Variants in NID1 observed in about 807,000 individuals in gnomAD.
NID1 encodes nidogen 1, also known as nidogen-1.
Under a neutral mutation model 130.6 loss-of-function variants are expected in NID1, and 76 were observed. The ratio of observed to expected loss-of-function variants is 0.58; its 90% CI spans 0.48 to 0.70. NID1 has a LOEUF of 0.70. NID1 is among the 30% of genes least tolerant of loss of function. The probability of loss-of-function intolerance (pLI) is 0.00; values close to 1 mark genes in which losing one functional copy is unlikely to be tolerated. For synonymous variants in NID1, 665 were observed against 675.1 expected (o/e 0.98, Z 0.23); for missense variants, 1,517 against 1,664.8 (o/e 0.91, Z 1.54).
intron 15 of NID1, among the ~76,000 whole-genome samples, chr1:235,983,920 C>T (rs1403134936): frequency 1.3e-5 from 2 of 151,936 alleles, no homozygotes; most frequent in Non-Finnish European, 2.9e-5. Context: ...CTGTCACTCT[C>T]ACTCACTAGG....
At chr1:236,017,031 C>G in intron 10 of NID1, 117 bp downstream of exon 10, 1 of 1,338,050 alleles carries the variant, frequency 7.5e-7, no homozygotes, top group Non-Finnish European at 1.1e-6. Context: ...TTATAAATTG[C>G]TCTTCCCAGC....
chr1:236,038,138 G>C lies in NID1; in HGVS notation c.1251C>G (p.Gly417=). The change falls in exon 5 of 20, where the codon GGC becomes GGG. Residue 417 remains glycine (G), a synonymous_variant. Transcript: ENST00000264187. ...CACATTGCCTGCCATTGCCCGTATAGCCAGCGACACAGCTGCAGCAGAAGC... is the reference window on the plus strand; with the variant it reads ...CACATTGCCTGCCATTGCCCGTATACCCAGCGACACAGCTGCAGCAGAAGC... ...ATGFCCSCVA[G]YTGNGRQCVA... 6.2e-7 allele frequency: 1 copy of C among 1,608,800 alleles called. No homozygotes were observed. The highest frequency in any genetic ancestry group is 8.5e-7 in the Non-Finnish European group (1 of 1,175,624).
intron 19 of NID1, 26 bp from the exon 20 acceptor site, chr1:235,978,014 T>C (rs1572572687): frequency 1.2e-6 from 2 of 1,612,284 alleles, no homozygotes; most frequent in East Asian, 2.2e-5. Context: ...ATCAGTTCAA[T>C]AGCCCTCTCT....
At chr1:235,989,317 C>T (rs1180223562) in intron 14 of NID1, among the ~76,000 whole-genome samples, 3 of 151,536 alleles carry the variant, frequency 2.0e-5, no homozygotes, top group African/African-American at 7.3e-5. Context: ...TAGCCTCTCC[C>T]CTTGGTCTTG....
Position 236,048,923 on chromosome 1 carries a change from G to A in NID1, c.292C>T (p.Pro98Ser). The change falls in exon 2 of 20, where the codon CCA (proline) becomes TCA (serine). Residue 98 changes from proline (P) to serine (S), a missense_variant. Physicochemically the swap from Pro to Ser is moderately conservative, Grantham distance 74 (BLOSUM62 -1). Transcript: ENST00000264187. ...GGGGCGACTGCACCGAATGTTGGTGGGAAGAGCCCGGGATGGGATTCTTTG... is the reference window on the plus strand; with the variant it reads ...GGGGCGACTGCACCGAATGTTGGTGAGAAGAGCCCGGGATGGGATTCTTTG... ...PAKESHPGLF[P>S]PTFGAVAPFL... 1 of 1,614,116 alleles carries A rather than the reference G, an allele frequency of 6.2e-7. No homozygotes were observed. The highest frequency in any genetic ancestry group is 8.5e-7 in the Non-Finnish European group (1 of 1,180,012).
chr1:235,991,616 A>G (rs1264165832), intron 13 of NID1, among the ~76,000 whole-genome samples: 1 of 151,986 alleles, frequency 6.6e-6, no homozygotes, highest in Admixed American at 6.6e-5. Context: ...TACAGGTGTG[A>G]GCCACTGTGC....
rs1389877864 is a variant in NID1 at position 236,042,161 on chromosome 1, T to C, written c.884A>G (p.Asp295Gly). The C allele has an allele frequency of 2.5e-6, 4 of 1,613,950 alleles. No homozygotes were observed. Among genetic ancestry groups the C allele is most frequent in the Non-Finnish European group, 3.4e-6 (4 of 1,179,988 alleles). Residue 295 changes from aspartate (D) to glycine (G), a missense_variant, in exon 4 of 20, where the codon GAT becomes GGT. Physicochemically the swap from Asp to Gly is moderately conservative, Grantham distance 94 (BLOSUM62 -1). Coordinates refer to ENST00000264187, the MANE Select transcript of NID1 (RefSeq NM_002508.3). The part of the protein sequence containing the change: ...DGAEYDDEDE[D>G]YDLATTRLGL... The stretch of plus-strand genomic sequence containing the variant: ...CAGACGAGTGGTCGCCAGGTCATAA[T>C]CTTCATCCTCATCATCATACTCTGC...
rs1028021296 is a variant in NID1 at position 236,049,094 on chromosome 1, A to C, written c.226-105T>G. ...ACTGTCAGCTGTACCCATGCTGTGTAGAATACAACAGAATCTGAGAAAGAT... is the reference window on the plus strand; with the variant it reads ...ACTGTCAGCTGTACCCATGCTGTGTCGAATACAACAGAATCTGAGAAAGAT... On this transcript the variant is annotated intron_variant, in intron 1 of 19. Transcript: ENST00000264187. 5 of 1,147,398 alleles carry C rather than the reference A, an allele frequency of 4.4e-6. No individual in the cohort carries two copies. In the Admixed American group the frequency reaches 1.2e-4, roughly 28 times the overall value. 71.1% of individuals were successfully genotyped at this position (1,147,398 alleles called of 1,614,324 possible). A position where few individuals can be genotyped will look rare whatever the true frequency, so the allele number is the denominator to read the frequency against.
intron 3 of NID1, among the ~76,000 whole-genome samples, chr1:236,043,089 T>C (rs1659502796): frequency 6.6e-6 from 1 of 152,220 alleles, no homozygotes; most frequent in African/African-American, 2.4e-5. Context: ...AGAGACGGCA[T>C]AGAAACCCTG....
chr1:236,040,066 G>A (rs992237119), intron 4 of NID1, among the ~76,000 whole-genome samples: 2 of 152,188 alleles, frequency 1.3e-5, no homozygotes, highest in African/African-American at 2.4e-5. Flanking sequence ...ACTGCCCCAA[G>A]TTGTTGGGCT....
intron 12 of NID1, among the ~76,000 whole-genome samples, chr1:236,008,263 G>C (rs1400630984): frequency 1.3e-5 from 2 of 152,128 alleles, no homozygotes; most frequent in African/African-American, 4.8e-5. Context: ...AAGACAAAGA[G>C]GAACAAATCG....
rs149965199 is a variant in NID1, at chr1:235,979,326, A to C, written c.3510-219T>G. On this transcript the variant is annotated intron_variant, in intron 18 of 19. Coordinates refer to ENST00000264187, the MANE Select transcript of NID1 (RefSeq NM_002508.3). The surrounding 1 kb of genome is among the most constrained non-coding windows in gnomAD (Gnocchi z 4.6). ...AAAGACCAGTTAGCTCTCCCCTCCC[A>C]CTCTAGATCCCAGGCAGGAAATGAG... 4.4e-3 allele frequency among the ~76,000 whole-genome samples: 664 copies of C among 151,738 alleles called. 8 individuals carry two copies. Among genetic ancestry groups the C allele is most frequent in the Middle Eastern group, 0.024 (7 of 294 alleles).
intron 5 of NID1, among the ~76,000 whole-genome samples, chr1:236,034,588 A>C (rs1248807981): frequency 6.6e-6 from 1 of 152,202 alleles, no homozygotes; most frequent in Non-Finnish European, 1.5e-5. Flanking sequence ...CTGGAATAGG[A>C]ACACCTATAA....
In NID1 at chr1:236,008,805, T is replaced by A. The variant is rs146058735; in HGVS notation, c.2527+3116A>T. On this transcript the variant is annotated intron_variant, in intron 12 of 19. Transcript: ENST00000264187. ...CTTCAGGCTCCCAAGTAGCTGGGAT[T>A]ACATTCATGCACCACCACACCTGGC... is the stretch of plus-strand genomic sequence containing the variant. Among the ~76,000 whole-genome samples the A allele has an allele frequency of 6.8e-3, 1,040 of 152,206 alleles. 6 individuals are homozygous for A. Among genetic ancestry groups the A allele is most frequent in the South Asian group, 0.017 (82 of 4,814 alleles).
chr1:236,037,937 T>C lies in NID1; in HGVS notation c.1285+167A>G, dbSNP rs113706208. 2.0e-3 allele frequency among the ~76,000 whole-genome samples: 303 copies of C among 152,168 alleles called. 1 individual carries two copies. Among genetic ancestry groups the C allele is most frequent in the African/African-American group, 7.1e-3 (296 of 41,512 alleles). On this transcript the variant is annotated intron_variant, in intron 5 of 19. Transcript: ENST00000264187. The stretch of plus-strand genomic sequence containing the variant: ...AATGGGCCTTCCTGGGGGATGCCTG[T>C]AGAGAATACGAGAAAAAATGAGGAA...
intron 1 of NID1, chr1:236,064,542 A>C: frequency 6.2e-6 from 2 of 324,182 alleles, no homozygotes; most frequent in South Asian, 6.8e-5. Context: ...AGGGACGCGG[A>C]CTGACCTCCC....
chr1:236,028,379 G>A (rs1658998272), intron 7 of NID1, among the ~76,000 whole-genome samples: 1 of 152,172 alleles, frequency 6.6e-6, no homozygotes, highest in Non-Finnish European at 1.5e-5. Context: ...GCATGGTAGT[G>A]TGCCTGTAGT....
At chr1:235,992,462 C>T (rs1334547972) in intron 13 of NID1, among the ~76,000 whole-genome samples, 2 of 152,204 alleles carry the variant, frequency 1.3e-5, no homozygotes, top group African/African-American at 2.4e-5. Context: ...CAAACCCATC[C>T]CAGGCTCCTC....
At chr1:236,039,541 C>T (rs543854950) in intron 4 of NID1, among the ~76,000 whole-genome samples, 2 of 152,252 alleles carry the variant, frequency 1.3e-5, no homozygotes, top group East Asian at 3.9e-4. Flanking sequence ...AGAACATCTC[C>T]CTATTTTAAA....
Sources: gnomAD v4.1 joint callset for allele counts (sites outside exome capture counted in the v4.1 genomes callset) on GRCh38, gnomAD v4.1.1 for gene constraint, Gnocchi (gnomAD v3.1) non-coding constraint, MANE v1.5 for transcripts, NCBI Gene and HGNC (gene_info 2026-07-23, HGNC 2026-07-21) for gene names.